The following UBE2E2 variants were observed in gnomAD, a reference collection of about 807,000 sequenced individuals.
UBE2E2 encodes ubiquitin conjugating enzyme E2 E2, also known as ubiquitin-conjugating enzyme E2 E2.
A neutral mutation model predicts 24.7 loss-of-function variants in UBE2E2; 6 were observed. That is an observed-to-expected ratio of 0.24 (90% CI 0.13 to 0.48). The LOEUF (loss-of-function observed/expected upper bound fraction) is 0.48. UBE2E2 is among the 20% of genes least tolerant of loss of function. UBE2E2 has a pLI of 0.99. For synonymous variants in UBE2E2, 104 were observed against 83.6 expected (o/e 1.24, Z -1.33); for missense variants, 169 against 245.0 (o/e 0.69, Z 2.07).
chr3:23,523,202 C>T (rs1037432597), intron 4 of UBE2E2, among the ~76,000 whole-genome samples: 7 of 151,952 alleles, frequency 4.6e-5, no homozygotes, highest in African/African-American at 1.7e-4. Flanking sequence ...ATCTGTTTGC[C>T]CCTTATCAAG....
chr3:23,251,015 G>A (rs917624508), intron 3 of UBE2E2, among the ~76,000 whole-genome samples: 1 of 152,040 alleles, frequency 6.6e-6, no homozygotes, highest in African/African-American at 2.4e-5. Context: ...ATGCCATCAT[G>A]CTTCTAATTA....
At chr3:23,204,907 A>T in intron 1 of UBE2E2, 1 of 259,596 alleles carries the variant, frequency 3.9e-6, no homozygotes, top group Non-Finnish European at 6.0e-6. Flanking sequence ...TTGCAGTTTT[A>T]TACTAGTAGA....
At chr3:23,433,192 G>A (rs1698106134) in intron 3 of UBE2E2, among the ~76,000 whole-genome samples, 1 of 151,710 alleles carries the variant, frequency 6.6e-6, no homozygotes, top group Admixed American at 6.6e-5. Context: ...ATACTGTGGT[G>A]GACCAAAATC....
At chr3:23,386,643 C>A (rs1270950449) in intron 3 of UBE2E2, among the ~76,000 whole-genome samples, 1 of 152,098 alleles carries the variant, frequency 6.6e-6, no homozygotes, top group African/African-American at 2.4e-5. Flanking sequence ...TAATATGAGA[C>A]AAGCATATTG....
rs1699677982 is a variant in UBE2E2 at position 23,499,681 on chromosome 3, G to A, written c.301G>A (p.Gly101Arg). The A allele has an allele frequency of 6.2e-7, 1 of 1,613,868 alleles. No homozygotes were observed. ...GGGACCCCCAGGATCTGTCTATGAA[G>A]GAGGGGTGTTCTTTCTTGACATTAC... is the stretch of plus-strand genomic sequence containing the variant. ...ILGPPGSVYE[G>R]GVFFLDITFS... The change falls in exon 4 of 6, where the codon GGA becomes AGA. Residue 101 changes from glycine (G) to arginine (R), a missense_variant. Coordinates refer to ENST00000396703, the MANE Select transcript of UBE2E2 (RefSeq NM_152653.4).
At chr3:23,247,958 A>G (rs1482524443) in intron 3 of UBE2E2, among the ~76,000 whole-genome samples, 1 of 150,038 alleles carries the variant, frequency 6.7e-6, no homozygotes, top group African/African-American at 2.5e-5. Flanking sequence ...TAAAAGAACG[A>G]TAATATTACC....
intron 3 of UBE2E2, among the ~76,000 whole-genome samples, chr3:23,364,309 A>C (rs1696200962): frequency 6.6e-6 from 1 of 152,164 alleles, no homozygotes; most frequent in South Asian, 2.1e-4. Context: ...GATGTAAAAA[A>C]CCATACAAAA....
At chr3:23,533,879 C>A (rs934375992) in intron 5 of UBE2E2, among the ~76,000 whole-genome samples, 2 of 151,974 alleles carry the variant, frequency 1.3e-5, no homozygotes, top group Admixed American at 6.6e-5. Flanking sequence ...CTTTGGCCCC[C>A]CAAAGTGCTG....
At chr3:23,388,787 A>C (rs1696867675) in intron 3 of UBE2E2, among the ~76,000 whole-genome samples, 1 of 152,084 alleles carries the variant, frequency 6.6e-6, no homozygotes, top group South Asian at 2.1e-4. Context: ...CAGGCGGATC[A>C]TGAGGTCAGG....
chr3:23,513,913 T>C lies in UBE2E2; in HGVS notation c.360+14173T>C, dbSNP rs139219486. On this transcript the variant is annotated intron_variant, in intron 4 of 5. Transcript: ENST00000396703. The stretch of plus-strand genomic sequence containing the variant: ...CATATAGAAACCTATGGATGTAGTA[T>C]TTTCATCTGTAGAAAGAGGCTTAAC... Among the ~76,000 whole-genome samples, 104 of 152,332 alleles carry C rather than the reference T, an allele frequency of 6.8e-4. 2 individuals carry two copies. In the East Asian group the frequency reaches 0.012, roughly 17 times the overall value.
intron 3 of UBE2E2, among the ~76,000 whole-genome samples, chr3:23,366,155 A>G (rs1696251191): frequency 6.6e-6 from 1 of 152,198 alleles, no homozygotes; most frequent in African/African-American, 2.4e-5. Flanking sequence ...ATTAAAAAGT[A>G]AAAAATAATA....
chr3:23,408,436 C>A (rs2359763), intron 3 of UBE2E2, among the ~76,000 whole-genome samples: 6 of 151,974 alleles, frequency 3.9e-5, no homozygotes, highest in Non-Finnish European at 8.8e-5. Flanking sequence ...TAAAATACAT[C>A]CTGCAACTTT....
intron 5 of UBE2E2, among the ~76,000 whole-genome samples, chr3:23,537,176 T>C (rs1237739730): frequency 6.6e-6 from 1 of 152,196 alleles, no homozygotes; most frequent in East Asian, 1.9e-4. Flanking sequence ...GTGTATTTCA[T>C]TCCCCTGTCG....
chr3:23,581,589 A>G (rs902282409), intron 5 of UBE2E2, among the ~76,000 whole-genome samples: 1 of 152,230 alleles, frequency 6.6e-6, no homozygotes, highest in Non-Finnish European at 1.5e-5. Context: ...AGTTGAGGAA[A>G]CTGAGGCACA....
intron 3 of UBE2E2, among the ~76,000 whole-genome samples, chr3:23,361,990 G>T (rs1181741109): frequency 6.6e-6 from 1 of 152,006 alleles, no homozygotes; most frequent in Non-Finnish European, 1.5e-5. Context: ...TAAATAGTGG[G>T]TACATATCTG....
intron 3 of UBE2E2, among the ~76,000 whole-genome samples, chr3:23,360,009 G>A (rs917362479): frequency 6.6e-6 from 1 of 152,102 alleles, no homozygotes; most frequent in Non-Finnish European, 1.5e-5. Context: ...TCTCCCCAGT[G>A]TTCAGGTTAG....
At chr3:23,401,299 T>C (rs1406610026) in intron 3 of UBE2E2, among the ~76,000 whole-genome samples, 1 of 152,198 alleles carries the variant, frequency 6.6e-6, no homozygotes, top group African/African-American at 2.4e-5. Context: ...CTAAGAATTA[T>C]GGATGAAAAG....
intron 3 of UBE2E2, among the ~76,000 whole-genome samples, chr3:23,334,347 T>C (rs1255511947): frequency 6.6e-6 from 1 of 152,148 alleles, no homozygotes; most frequent in East Asian, 1.9e-4. Context: ...GAAATCTCTT[T>C]GTCTTTGTCT....
chr3:23,313,232 T>G (rs1694460910), intron 3 of UBE2E2, among the ~76,000 whole-genome samples: 1 of 152,162 alleles, frequency 6.6e-6, no homozygotes, highest in Admixed American at 6.6e-5. Context: ...TTCTTACAGT[T>G]TTTGTCTTGA....
Sources: allele counts gnomAD v4.1 joint callset (sites outside exome capture counted in the v4.1 genomes callset), GRCh38; gene constraint gnomAD v4.1.1; transcripts MANE v1.5; gene names NCBI Gene and HGNC (gene_info 2026-07-23, HGNC 2026-07-21).